TNIK: variants seen among roughly 807,000 people sequenced by gnomAD.
TNIK encodes TRAF2 and NCK-interacting protein kinase.
Under a neutral mutation model 191.3 loss-of-function variants are expected in TNIK, and 49 were observed. The ratio of observed to expected loss-of-function variants is 0.26; its 90% confidence interval spans 0.20 to 0.32. The LOEUF is 0.32. Ranked by LOEUF, TNIK falls within the 10% of genes least tolerant of loss-of-function variation. TNIK has a pLI of 1.00. For missense variants in TNIK, 1,155 were observed against 1,702.3 expected (o/e 0.68, Z 5.66); for synonymous variants, 594 against 600.9 (o/e 0.99, Z 0.17).
At chr3:171,393,367 A>C (rs529343798) in intron 1 of TNIK, among the ~76,000 whole-genome samples, 209 of 152,332 alleles carry the variant, frequency 1.4e-3, no homozygotes, top group African/African-American at 5.0e-3. Context: ...GATTCAGGAA[A>C]TACCCAGCTG....
intron 1 of TNIK, among the ~76,000 whole-genome samples, chr3:171,428,333 A>C (rs1724910495): frequency 6.6e-6 from 1 of 152,174 alleles, no homozygotes; most frequent in Non-Finnish European, 1.5e-5. Flanking sequence ...CAGTGCAGAG[A>C]AAGAGAGGAG....
chr3:171,420,627 A>G (rs1723680363), intron 1 of TNIK, among the ~76,000 whole-genome samples: 1 of 152,212 alleles, frequency 6.6e-6, no homozygotes, highest in Non-Finnish European at 1.5e-5. Context: ...CCTATGGTAA[A>G]GTTTAACTTA....
intron 28 of TNIK, among the ~76,000 whole-genome samples, chr3:171,077,800 T>C (rs369207216): frequency 6.7e-6 from 1 of 148,308 alleles, no homozygotes; most frequent in East Asian, 1.9e-4. Context: ...TATACACATA[T>C]ATATACATAT....
In TNIK at chr3:171,346,493, C is replaced by G. The variant is rs375793778; in HGVS notation, c.123+23127G>C. Among the ~76,000 whole-genome samples the G allele has an allele frequency of 8.7e-4, 133 of 152,218 alleles. 1 individual carries two copies. In the South Asian group the frequency reaches 0.027, roughly 31 times the overall value. On this transcript the variant is annotated intron_variant, in intron 2 of 32. Coordinates refer to ENST00000436636, the MANE Select transcript of TNIK (RefSeq NM_015028.4). ...GCAGCCAGTCTTTGGTAGGTCTGTG[C>G]TAGTTACTGGGAATACTGTGGTAAG... is the stretch of plus-strand genomic sequence containing the variant.
chr3:171,338,283 G>C (rs141489230), intron 2 of TNIK, among the ~76,000 whole-genome samples: 1,579 of 152,012 alleles, frequency 0.01, 9 homozygotes, highest in South Asian at 0.019. Flanking sequence ...CATGTATAGG[G>C]GTGTGTGTAT....
intron 2 of TNIK, among the ~76,000 whole-genome samples, chr3:171,326,337 T>C (rs1755744238): frequency 6.6e-6 from 1 of 152,166 alleles, no homozygotes; most frequent in African/African-American, 2.4e-5. Context: ...ATACTGATTC[T>C]CGTTACAGAG....
chr3:171,338,765 A>G (rs2108392613), intron 2 of TNIK, among the ~76,000 whole-genome samples: 1 of 152,164 alleles, frequency 6.6e-6, no homozygotes, highest in East Asian at 1.9e-4. Flanking sequence ...GGCCTCCCAA[A>G]GTGCCGGGAT....
At chr3:171,143,602 C>T (rs1347314073) in intron 12 of TNIK, among the ~76,000 whole-genome samples, 1 of 152,194 alleles carries the variant, frequency 6.6e-6, no homozygotes, top group African/African-American at 2.4e-5. Context: ...GTATGGCTAC[C>T]TTTCCATACC....
At chr3:171,430,785 T>C (rs1725281321) in intron 1 of TNIK, among the ~76,000 whole-genome samples, 1 of 152,122 alleles carries the variant, frequency 6.6e-6, no homozygotes, top group Admixed American at 6.5e-5. Flanking sequence ...AATAGCTTAA[T>C]CTTATTAATT....
chr3:171,432,278 G>A (rs927490735), intron 1 of TNIK, among the ~76,000 whole-genome samples: 3 of 151,866 alleles, frequency 2.0e-5, no homozygotes, highest in Non-Finnish European at 2.9e-5. Context: ...TTCAAAAGAC[G>A]GATACAAAAA....
At chr3:171,178,124 A>G (rs1736171870) in intron 7 of TNIK, among the ~76,000 whole-genome samples, 2 of 152,322 alleles carry the variant, frequency 1.3e-5, no homozygotes, top group Admixed American at 1.3e-4. Context: ...TTGGGCTATT[A>G]CAGATACAGG....
intron 23 of TNIK, among the ~76,000 whole-genome samples, chr3:171,092,423 C>T (rs1364386661): frequency 1.3e-5 from 2 of 152,170 alleles, no homozygotes; most frequent in African/African-American, 4.8e-5. Context: ...CATTAGAAAT[C>T]GGAGTCCTTT....
At chr3:171,375,763 A>G (rs1717123321) in intron 1 of TNIK, among the ~76,000 whole-genome samples, 1 of 152,240 alleles carries the variant, frequency 6.6e-6, no homozygotes, top group Admixed American at 6.5e-5. Context: ...TATTTCCTTC[A>G]CATCATAAAA....
intron 2 of TNIK, among the ~76,000 whole-genome samples, chr3:171,316,312 T>C (rs979204485): frequency 2.0e-5 from 3 of 152,110 alleles, no homozygotes; most frequent in Non-Finnish European, 2.9e-5. Flanking sequence ...GAAAAGCCTA[T>C]ACAGGCAATA....
intron 2 of TNIK, among the ~76,000 whole-genome samples, chr3:171,319,716 T>G (rs1441684978): frequency 6.6e-6 from 1 of 152,166 alleles, no homozygotes; most frequent in Non-Finnish European, 1.5e-5. Context: ...TCTCAAGGCA[T>G]TCAACCAAAA....
At chr3:171,442,279 G>C (rs1045251384) in intron 1 of TNIK, among the ~76,000 whole-genome samples, 1 of 152,210 alleles carries the variant, frequency 6.6e-6, no homozygotes, top group East Asian at 1.9e-4. Flanking sequence ...TGAGATACAA[G>C]AGACCTTGCT....
intron 1 of TNIK, among the ~76,000 whole-genome samples, chr3:171,372,172 G>C (rs549524711): frequency 3.3e-5 from 5 of 152,288 alleles, no homozygotes; most frequent in African/African-American, 1.2e-4. Flanking sequence ...TTCTCTCCTT[G>C]AATAATCTAT....
At chr3:171,390,785 C>T (rs1035010668) in intron 1 of TNIK, among the ~76,000 whole-genome samples, 1 of 152,200 alleles carries the variant, frequency 6.6e-6, no homozygotes, top group African/African-American at 2.4e-5. Context: ...ACTGTGCTGG[C>T]TTATTCTGCT....
chr3:171,216,659 T>G (rs1036520772), intron 3 of TNIK, among the ~76,000 whole-genome samples: 1 of 152,184 alleles, frequency 6.6e-6, no homozygotes, highest in Non-Finnish European at 1.5e-5. Context: ...AATCACAGTT[T>G]ATTATATGTT....
Sources: allele counts gnomAD v4.1 joint callset (sites outside exome capture counted in the v4.1 genomes callset), GRCh38; gene constraint gnomAD v4.1.1; transcripts MANE v1.5; gene names NCBI Gene and HGNC (gene_info 2026-07-23, HGNC 2026-07-21).